The following BBOF1 variants were observed in gnomAD, a reference collection of about 807,000 sequenced individuals.
BBOF1 encodes the protein basal body orientation factor 1.
Under a neutral mutation model 68.0 loss-of-function variants are expected in BBOF1, and 62 were observed. The observed-to-expected ratio is 0.91, with a 90% confidence interval of 0.74 to 1.13. The LOEUF is 1.13. Ranked by LOEUF, BBOF1 falls within the 50% of genes most tolerant of loss-of-function variation. BBOF1 has a pLI of 0.00. For synonymous variants in BBOF1, 208 were observed against 198.8 expected (o/e 1.05, Z -0.39); for missense variants, 534 against 600.1 (o/e 0.89, Z 1.15).
chr14:74,069,583 T>G (rs1566831851), downstream of BBOF1, among the ~76,000 whole-genome samples: 1 of 151,684 alleles, frequency 6.6e-6, no homozygotes, highest in Non-Finnish European at 1.5e-5. Flanking sequence ...AAACCCTGTC[T>G]CTACTAAAAA....
chr14:74,063,888 G>C (rs1026409633), intron 11 of BBOF1, among the ~76,000 whole-genome samples: 1 of 150,544 alleles, frequency 6.6e-6, no homozygotes, highest in African/African-American at 2.4e-5. Flanking sequence ...AAAATTAATG[G>C]TATCCCCCAA....
intron 2 of BBOF1, among the ~76,000 whole-genome samples, chr14:74,028,717 T>C (rs2059494996): frequency 6.6e-6 from 1 of 151,752 alleles, no homozygotes; most frequent in Non-Finnish European, 1.5e-5. Context: ...CTCTATTTTT[T>C]TTTTTTTTTT....
In BBOF1 at chr14:74,019,970, C is replaced by T. The variant is rs548375511; in HGVS notation, c.56+436C>T. The stretch of plus-strand genomic sequence containing the variant: ...ACACGTTGGAGTCATACGTGGTGTC[C>T]AGCAACAACACCATATATGGGAACA... On this transcript the variant is annotated intron_variant, in intron 1 of 11. Transcript: ENST00000394009. Among the ~76,000 whole-genome samples the T allele has an allele frequency of 5.9e-5, 9 of 152,174 alleles. No individual in the cohort carries two copies. The East Asian group carries it at 1.7e-3, about 29-fold the overall frequency.
chr14:74,073,340 A>G (rs1227203078), intron 9 of BBOF1, among the ~76,000 whole-genome samples: 1 of 151,366 alleles, frequency 6.6e-6, no homozygotes, highest in African/African-American at 2.4e-5. Context: ...CCTGGGCTCA[A>G]GTGATCCACC....
Position 74,040,658 on chromosome 14 carries a change from A to T in BBOF1, c.576+13A>T. On this transcript the variant is annotated intron_variant, in intron 5 of 11. Coordinates refer to ENST00000394009, the MANE Select transcript of BBOF1 (RefSeq NM_025057.3). ...TTTTGAAGAAAAGGTACAGATTATT[A>T]GGGTTAATTTAAAATGTTTTGTTTA... The T allele has an allele frequency of 2.7e-6, 4 of 1,494,508 alleles. No homozygotes were observed. Among genetic ancestry groups the T allele is most frequent in the Non-Finnish European group, 2.7e-6 (3 of 1,098,590 alleles). The allele number at this position is 1,494,508 out of a possible 1,614,324, so 92.6% of individuals were successfully genotyped here. A position where few individuals can be genotyped will look rare whatever the true frequency, so the allele number is the denominator to read the frequency against.
At chr14:74,021,926 A>G (rs1055275181) in intron 1 of BBOF1, among the ~76,000 whole-genome samples, 3 of 151,950 alleles carry the variant, frequency 2.0e-5, no homozygotes, top group Admixed American at 1.3e-4. Flanking sequence ...AAAAAAAAAA[A>G]CACACTCAAA....
At chr14:74,059,950 T>G (rs184933997) in intron 11 of BBOF1, 1 of 153,522 alleles carries the variant, frequency 6.5e-6, no homozygotes, top group African/African-American at 2.4e-5. Context: ...GCCACAACTT[T>G]GGGATATATA....
At chr14:74,062,231 A>G (rs923306886) in intron 11 of BBOF1, among the ~76,000 whole-genome samples, 1 of 151,900 alleles carries the variant, frequency 6.6e-6, no homozygotes, top group African/African-American at 2.4e-5. Flanking sequence ...GTGGGCAGGG[A>G]ACAATTTTTA....
chr14:74,037,068 G>A (rs1401800587), intron 4 of BBOF1, among the ~76,000 whole-genome samples: 1 of 147,420 alleles, frequency 6.8e-6, no homozygotes, highest in Non-Finnish European at 1.5e-5. Context: ...TGCCTCCCAG[G>A]TTCAAGCGAT....
At position 74,028,581 on chromosome 14, in the gene BBOF1, T is replaced by C. The variant is rs111682553; in HGVS notation, c.286-603T>C. Among the ~76,000 whole-genome samples the C allele has an allele frequency of 2.0e-3, 300 of 151,730 alleles. 1 individual carries two copies. Among genetic ancestry groups the C allele is most frequent in the African/African-American group, 6.9e-3 (287 of 41,342 alleles). ...AATAGTATGGGAATTTTTTGTACTC[T>C]TCTTGAAACTCATCTTGGCTAGGCG... On this transcript the variant is annotated intron_variant, in intron 2 of 11. Transcript: ENST00000394009.
At chr14:74,082,562 G>C (rs1465049124) in intron 12 of BBOF1, among the ~76,000 whole-genome samples, 1 of 151,858 alleles carries the variant, frequency 6.6e-6, no homozygotes, top group Admixed American at 6.6e-5. Context: ...ACCACACCCG[G>C]CTAATTTTTG....
downstream of BBOF1, chr14:74,069,050 T>G: frequency 6.6e-7 from 1 of 1,508,726 alleles, no homozygotes; most frequent in Admixed American, 1.7e-5. Context: ...AATTTCCCCT[T>G]TCCCCACTGC....
At chr14:74,073,501 A>G (rs62005121) in intron 9 of BBOF1, among the ~76,000 whole-genome samples, 36,657 of 152,142 alleles carry the variant, frequency 0.24, 4,993 homozygotes, top group South Asian at 0.46. Context: ...CTTCATGAGT[A>G]GAAACACGAT....
intron 4 of BBOF1, among the ~76,000 whole-genome samples, chr14:74,036,860 T>C (rs1200639796): frequency 1.3e-5 from 2 of 152,118 alleles, no homozygotes; most frequent in Non-Finnish European, 2.9e-5. Flanking sequence ...TGAGTATTCA[T>C]TAATCCCTGA....
chr14:74,076,465 G>T (rs372140038), intron 9 of BBOF1, among the ~76,000 whole-genome samples: 1 of 151,820 alleles, frequency 6.6e-6, no homozygotes, highest in South Asian at 2.1e-4. Context: ...GTGTTCAAGC[G>T]ATTCTCCTGC....
intron 9 of BBOF1, chr14:74,072,212 T>C (rs1429167813): frequency 6.2e-7 from 1 of 1,614,208 alleles, no homozygotes; most frequent in Admixed American, 1.7e-5. Flanking sequence ...CCAAGTTTTC[T>C]TTAATAAGTT....
chr14:74,034,240 C>A, intron 4 of BBOF1, 69 bp downstream of exon 4: 3 of 1,015,120 alleles, frequency 3.0e-6, no homozygotes, highest in Non-Finnish European at 4.1e-6. Context: ...GAAGCCTTCA[C>A]AAACATTTAC....
chr14:74,043,949 T>C (rs1013196106), intron 5 of BBOF1, among the ~76,000 whole-genome samples: 23 of 151,536 alleles, frequency 1.5e-4, no homozygotes, highest in Admixed American at 7.9e-4. Context: ...TTTCCTAAAC[T>C]CCAATCTAAA....
In BBOF1 at chr14:74,034,103, C is replaced by T. The variant is rs759842147; in HGVS notation, c.427C>T (p.His143Tyr). 2 of 1,604,434 alleles carry T rather than the reference C, an allele frequency of 1.2e-6. No homozygotes were observed. Among genetic ancestry groups the T allele is most frequent in the Non-Finnish European group, 1.7e-6 (2 of 1,175,632 alleles). The change falls in exon 4 of 12, where the codon CAC becomes TAC. Residue 143 changes from histidine (H) to tyrosine (Y), a missense_variant. Coordinates refer to ENST00000394009, the MANE Select transcript of BBOF1 (RefSeq NM_025057.3). ...HQKAKEIGMI[H>Y]TELKAVRQFQ... is the part of the protein sequence containing the mutation. ...AAAAGCCAAAGAAATTGGCATGATT[C>T]ACACAGAGCTGAAAGCAGTAAGACA...
Sources: allele counts gnomAD v4.1 joint callset (sites outside exome capture counted in the v4.1 genomes callset), GRCh38; gene constraint gnomAD v4.1.1; transcripts MANE v1.5; gene names NCBI Gene and HGNC (gene_info 2026-07-23, HGNC 2026-07-21).